The following RAB5C variants were observed in gnomAD, a reference collection of about 807,000 sequenced individuals.
The protein encoded by RAB5C is RAB5C, member RAS oncogene family.
RAB5C carries 4 observed loss-of-function variants against 25.2 expected under a neutral mutation model. That is an observed-to-expected ratio of 0.16 (90% CI 0.08 to 0.36). The LOEUF (loss-of-function observed/expected upper bound fraction) is 0.36. Ranked by LOEUF, RAB5C falls within the 10% of genes least tolerant of loss-of-function variation. The pLI, the probability that RAB5C is intolerant of heterozygous loss-of-function variation, is 1.00. For missense variants in RAB5C, 199 were observed against 283.8 expected (o/e 0.70, Z 2.15); for synonymous variants, 100 against 106.4 (o/e 0.94, Z 0.37).
intron 1 of RAB5C, among the ~76,000 whole-genome samples, chr17:42,144,051 G>A (rs1032478467): frequency 9.9e-5 from 15 of 152,124 alleles, no homozygotes; most frequent in Non-Finnish European, 2.1e-4. Context: ...TTCCCCAAGT[G>A]CTGGGAATAC....
At position 42,128,423 on chromosome 17, in the gene RAB5C, G is replaced by A. The variant is rs199911829; in HGVS notation, c.319-40C>T. ...ACAGAATGTCGAAGGGACAGAGAAGGCATTCTGCCCAGGGCCACCCATTAG... is the reference window on the plus strand; with the variant it reads ...ACAGAATGTCGAAGGGACAGAGAAGACATTCTGCCCAGGGCCACCCATTAG... On this transcript the variant is annotated intron_variant, in intron 3 of 5. Transcript: ENST00000346213. The A allele has an allele frequency of 1.9e-6, 3 of 1,594,620 alleles. No homozygotes were observed. The African/African-American group carries it at 4.0e-5, about 21-fold the overall frequency.
At chr17:42,131,639 C>T (rs1232483690) in intron 1 of RAB5C, 9 of 1,531,730 alleles carry the variant, frequency 5.9e-6, no homozygotes, top group Non-Finnish European at 7.0e-6. Flanking sequence ...AGAGATGGGG[C>T]GATGGAGAGA....
chr17:42,141,547 G>A (rs75140957), intron 1 of RAB5C, among the ~76,000 whole-genome samples: 11,050 of 152,178 alleles, frequency 0.073, 598 homozygotes, highest in Non-Finnish European at 0.1. Context: ...CAGACGGCTC[G>A]GGTCCCCTAA....
At chr17:42,134,935 T>C (rs1239484173) in intron 1 of RAB5C, among the ~76,000 whole-genome samples, 1 of 151,708 alleles carries the variant, frequency 6.6e-6, no homozygotes, top group Non-Finnish European at 1.5e-5. Context: ...CCCTCTGCTC[T>C]GGACACTACA....
intron 1 of RAB5C, among the ~76,000 whole-genome samples, chr17:42,148,403 C>CAA (rs71228786): frequency 0.26 from 14,555 of 56,700 alleles, 1,609 homozygotes; most frequent in African/African-American, 0.35. Context: ...GACTCCATCT[C>CAA]AAAAAAAAAA....
intron 1 of RAB5C, among the ~76,000 whole-genome samples, chr17:42,143,402 T>C (rs1324417279): frequency 6.6e-6 from 1 of 152,136 alleles, no homozygotes; most frequent in Non-Finnish European, 1.5e-5. Flanking sequence ...TTTGGAAGGC[T>C]GAGGCAAGTG....
At chr17:42,138,143 T>G (rs1458035299) in intron 1 of RAB5C, among the ~76,000 whole-genome samples, 1 of 152,128 alleles carries the variant, frequency 6.6e-6, no homozygotes, top group Non-Finnish European at 1.5e-5. Context: ...AGAAAGAGGT[T>G]ATAACAGTAT....
intron 1 of RAB5C, among the ~76,000 whole-genome samples, chr17:42,135,544 G>T (rs527791271): frequency 6.6e-6 from 1 of 152,130 alleles, no homozygotes; most frequent in Non-Finnish European, 1.5e-5. Context: ...GTTGATATAC[G>T]AAGGAGGGAG....
chr17:42,127,507 C>T (rs1460731128), intron 4 of RAB5C, among the ~76,000 whole-genome samples: 4 of 151,874 alleles, frequency 2.6e-5, no homozygotes, highest in South Asian at 2.1e-4. Flanking sequence ...AGACAGGTGA[C>T]GGGCAATTCC....
Position 42,130,329 on chromosome 17 carries a change from C to A in RAB5C, c.166+8G>T. ...AGGCCCCTCCCCGACTCCCTCATGC[C>A]CACTCACCTCCAATTGTGCTCTCCT... On this transcript the variant is annotated splice_region_variant and intron_variant, in intron 2 of 5. Transcript: ENST00000346213. 2 of 1,591,856 alleles carry A rather than the reference C, an allele frequency of 1.3e-6. No individual in the cohort carries two copies. Among genetic ancestry groups the A allele is most frequent in the Non-Finnish European group, 1.7e-6 (2 of 1,163,462 alleles).
intron 1 of RAB5C, chr17:42,131,825 A>G (rs1343365883): frequency 9.4e-6 from 5 of 531,172 alleles, no homozygotes; most frequent in South Asian, 4.3e-5. Flanking sequence ...AGAAGCCTCT[A>G]GAAGACATAA....
intron 1 of RAB5C, among the ~76,000 whole-genome samples, chr17:42,144,569 C>T (rs2079620705): frequency 6.6e-6 from 1 of 151,050 alleles, no homozygotes; most frequent in Non-Finnish European, 1.5e-5. Flanking sequence ...ACCCCAGCAC[C>T]TTGGGAGGCC....
chr17:42,140,844 T>A (rs2079599308), intron 1 of RAB5C, among the ~76,000 whole-genome samples: 1 of 151,158 alleles, frequency 6.6e-6, no homozygotes, highest in African/African-American at 2.4e-5. Flanking sequence ...TATATACATT[T>A]TTGAGACAGG....
chr17:42,130,478 G>C lies in RAB5C; in HGVS notation c.25C>G (p.Arg9Gly). The C allele has an allele frequency of 1.2e-6, 2 of 1,614,032 alleles. No homozygotes were observed. The highest frequency in any genetic ancestry group is 1.7e-6 in the Non-Finnish European group (2 of 1,179,992). MAGRGGAA[R>G]PNGPAAGNKI... is the part of the protein sequence containing the mutation. Reference sequence around the variant, plus strand: ...TTCCCAGCAGCTGGTCCATTGGGTCGTGCTGCGCCTCCCCGACCCGCCATT... The same window carrying C: ...TTCCCAGCAGCTGGTCCATTGGGTCCTGCTGCGCCTCCCCGACCCGCCATT... Residue 9 changes from arginine (R) to glycine (G), a missense_variant, in exon 2 of 6, where the codon CGA becomes GGA. Around this residue, in one of 3 missense-constraint regions of RAB5C, gnomAD observed 21 missense variants for 20.2 expected, o/e 1.04. Coordinates refer to ENST00000346213, the MANE Select transcript of RAB5C (RefSeq NM_004583.4).
At chr17:42,126,631 C>CAAA (rs71357528) in intron 5 of RAB5C, 124 bp downstream of exon 5, 1,201 of 84,520 alleles carry the variant, frequency 0.014, 139 homozygotes, top group African/African-American at 0.025. Flanking sequence ...GACTCCATCT[C>CAAA]AAAAAAAAAA....
At chr17:42,137,346 G>A (rs7224737) in intron 1 of RAB5C, among the ~76,000 whole-genome samples, 53,621 of 150,926 alleles carry the variant, frequency 0.36, 12,836 homozygotes, top group African/African-American at 0.69. Flanking sequence ...GCTGGATGGA[G>A]GAGTTATAAC....
chr17:42,148,521 G>A (rs1260371790), intron 1 of RAB5C, among the ~76,000 whole-genome samples: 1 of 151,936 alleles, frequency 6.6e-6, no homozygotes, highest in African/African-American at 2.4e-5. Flanking sequence ...TATGCTGAGT[G>A]CCATGCCAGG....
chr17:42,129,313 C>T (rs1305862518), intron 2 of RAB5C, among the ~76,000 whole-genome samples: 1 of 152,164 alleles, frequency 6.6e-6, no homozygotes, highest in African/African-American at 2.4e-5. Flanking sequence ...GTTCCACCAC[C>T]AGGCTGAGGC....
At chr17:42,147,686 T>G (rs903767466) in intron 1 of RAB5C, among the ~76,000 whole-genome samples, 4 of 152,218 alleles carry the variant, frequency 2.6e-5, no homozygotes, top group Admixed American at 6.5e-5. Flanking sequence ...TGAGCAACTT[T>G]CTGGGGGATG....
Sources: allele counts gnomAD v4.1 joint callset (sites outside exome capture counted in the v4.1 genomes callset), GRCh38; gene constraint gnomAD v4.1.1; regional missense constraint gnomAD v4.1.1; transcripts MANE v1.5; gene names NCBI Gene and HGNC (gene_info 2026-07-23, HGNC 2026-07-21).